The following CHD2 variants were observed in gnomAD, a reference collection of about 807,000 sequenced individuals.
CHD2 encodes chromodomain helicase DNA binding protein 2.
Under a neutral mutation model 243.9 loss-of-function variants are expected in CHD2, and 28 were observed. That is an observed-to-expected ratio of 0.11 (90% confidence interval 0.09 to 0.16). The LOEUF is 0.16. CHD2 is among the 10% of genes least tolerant of loss of function. The pLI, the probability that CHD2 is intolerant of heterozygous loss-of-function variation, is 1.00. For synonymous variants in CHD2, 775 were observed against 779.0 expected (o/e 0.99, Z 0.09); for missense variants, 1,386 against 2,209.8 (o/e 0.63, Z 7.47).
Position 92,928,761 on chromosome 15 carries a change from C to T in CHD2, c.382-269C>T, listed in dbSNP as rs545254957. On this transcript the variant is annotated intron_variant, in intron 4 of 38. Transcript: ENST00000394196. ...TAGATACAGGACATTTACATCGTTG[C>T]AGAAAGTTATTGGATATTGCTGTTC... Among the ~76,000 whole-genome samples, 5 of 152,256 alleles carry T rather than the reference C, an allele frequency of 3.3e-5. No homozygotes were observed. The East Asian group carries it at 7.7e-4, about 24-fold the overall frequency.
At position 92,997,406 on chromosome 15, in the gene CHD2, A is replaced by G; in HGVS notation, c.3885+3A>G. On this transcript the variant is annotated splice_donor_region_variant and intron_variant, in intron 30 of 38. Transcript: ENST00000394196. The surrounding 1 kb of genome is among the most constrained non-coding windows in gnomAD (Gnocchi z 4.1). Reference sequence around the variant, plus strand: ...CAGAGCTTAAATTAACTGACAAAGTAAGTAACCCTACCATGCTAGAGATTT... The same window carrying G: ...CAGAGCTTAAATTAACTGACAAAGTGAGTAACCCTACCATGCTAGAGATTT... 6.4e-7 allele frequency: 1 copy of G among 1,570,310 alleles called. No individual in the cohort carries two copies. Among genetic ancestry groups the G allele is most frequent in the Non-Finnish European group, 8.6e-7 (1 of 1,162,186 alleles).
At chr15:93,020,355 T>C (rs2054518882) in intron 38 of CHD2, 97 bp downstream of exon 38, 1 of 1,439,282 alleles carries the variant, frequency 6.9e-7, no homozygotes, top group African/African-American at 1.4e-5. Context: ...ATCTATCAAA[T>C]TACTGAAGAT....
intron 26 of CHD2, among the ~76,000 whole-genome samples, chr15:92,990,026 C>A (rs1780245493): frequency 6.6e-6 from 1 of 152,128 alleles, no homozygotes. Context: ...GGTAATGTTG[C>A]CTCAGGCCGT....
chr15:92,933,370 A>T (rs113304976), intron 5 of CHD2, among the ~76,000 whole-genome samples: 1 of 152,188 alleles, frequency 6.6e-6, no homozygotes, highest in Non-Finnish European at 1.5e-5. Context: ...TGTAACAGTG[A>T]TGGACCAGGA....
At chr15:92,988,103 A>T in intron 26 of CHD2, among the ~76,000 whole-genome samples, 1 of 150,160 alleles carries the variant, frequency 6.7e-6, no homozygotes, top group East Asian at 1.9e-4. Flanking sequence ...TTCTTTTGAG[A>T]CGGAGTTTTG....
Position 92,979,234 on chromosome 15 carries a change from A to G in CHD2, c.2827A>G (p.Met943Val). Reference protein sequence around the residue: ...MVLDHLVIQRMDTTGRTILEN... With the variant: ...MVLDHLVIQRVDTTGRTILEN... Reference sequence around the variant, plus strand: ...ATTAGATCATCTGGTGATTCAGCGCATGGACACCACTGGCCGGACGATCCT... The same window carrying G: ...ATTAGATCATCTGGTGATTCAGCGCGTGGACACCACTGGCCGGACGATCCT... The change falls in exon 22 of 39, where the codon ATG becomes GTG. Residue 943 changes from methionine (M) to valine (V), a missense_variant. Physicochemically the swap from Met to Val is conservative, Grantham distance 21. Transcript: ENST00000394196. The G allele has an allele frequency of 6.2e-7, 1 of 1,614,152 alleles. No homozygotes were observed. The highest frequency in any genetic ancestry group is 8.5e-7 in the Non-Finnish European group (1 of 1,180,020).
At chr15:92,961,599 A>T (rs1181175703) in intron 16 of CHD2, among the ~76,000 whole-genome samples, 3 of 151,718 alleles carry the variant, frequency 2.0e-5, no homozygotes, top group South Asian at 2.1e-4. Flanking sequence ...ATTTGTAGAG[A>T]TGGGTTCTTG....
chr15:92,924,655 C>T (rs2053023046), intron 3 of CHD2, 103 bp downstream of exon 3: 1 of 958,070 alleles, frequency 1.0e-6, no homozygotes, highest in South Asian at 1.4e-5. Flanking sequence ...ATGATGAAAC[C>T]TACAGCCATT....
rs527477898 is a variant in CHD2, at chr15:93,014,809, C to G, written c.4806C>G (p.His1602Gln). The G allele has an allele frequency of 6.2e-7, 1 of 1,614,052 alleles. No individual in the cohort carries two copies. The highest frequency in any genetic ancestry group is 8.5e-7 in the Non-Finnish European group (1 of 1,180,026). Reference protein sequence around the residue: ...ISQSHTSHNLHPQKPHLPASH... With the variant: ...ISQSHTSHNLQPQKPHLPASH... The stretch of plus-strand genomic sequence containing the variant: ...AGTCCCATACCTCACACAACCTTCA[C>G]CCTCAGAAGCCTCATTTGCCTGCCT... The change falls in exon 37 of 39, where the codon CAC becomes CAG. Residue 1602 changes from histidine (H) to glutamine (Q), a missense_variant. By Grantham distance (24) the His-to-Gln change is conservative. This residue lies in a region of CHD2 where 347 missense variants were observed against 341.6 expected (regional missense o/e 1.02). Transcript: ENST00000394196.
Position 92,971,642 on chromosome 15 carries a change from T to A in CHD2, c.2190-123T>A, listed in dbSNP as rs79049389. 3.2e-3 allele frequency: 2,101 copies of A among 657,850 alleles called. 36 individuals carry two copies. The African/African-American group carries it at 0.036, about 11-fold the overall frequency. 40.8% of individuals were successfully genotyped at this position (657,850 alleles called of 1,614,324 possible). A position where few individuals can be genotyped will look rare whatever the true frequency, so the allele number is the denominator to read the frequency against. ...GATACAAAAGAAAATATTCTTTGCT[T>A]CTTAAACTTTTTTAGGCCTCTTTTT... On this transcript the variant is annotated intron_variant, in intron 17 of 38. Transcript: ENST00000394196.
chr15:92,993,084 C>G (rs998996686), intron 28 of CHD2, 86 bp downstream of exon 28: 4 of 1,421,790 alleles, frequency 2.8e-6, no homozygotes, highest in Non-Finnish European at 3.9e-6. Context: ...TAAGGACAGG[C>G]TTGAGGACCA....
chr15:92,924,209 TTA>T (rs1336095500), intron 2 of CHD2, 110 bp from the exon 3 acceptor site: 7 of 846,672 alleles, frequency 8.3e-6, no homozygotes, highest in Non-Finnish European at 1.1e-5. Flanking sequence ...GATTTTGGTC[TTA>T]TATTACTAAA....
Position 92,939,653 on chromosome 15 carries a change from TGAG to T in CHD2, c.630_632del (p.Glu210del), listed in dbSNP as rs1567133727. ...AGAGAAAAAAGCAAGATTCTTCTGATGAGGATGATGATGATGACGAAGCTCCCA... is the reference window on the plus strand; with the variant it reads ...AGAGAAAAAAGCAAGATTCTTCTGATGATGATGATGATGACGAAGCTCCCA... On this transcript the variant is annotated inframe_deletion, in exon 7 of 39. Coordinates refer to ENST00000394196, the MANE Select transcript of CHD2 (RefSeq NM_001271.4). 6.2e-7 allele frequency: 1 copy of T among 1,614,114 alleles called. No homozygotes were observed. Among genetic ancestry groups the T allele is most frequent in the Non-Finnish European group, 8.5e-7 (1 of 1,180,016 alleles).
intron 2 of CHD2, among the ~76,000 whole-genome samples, chr15:92,908,262 G>A (rs2052658911): frequency 6.6e-6 from 1 of 151,992 alleles, no homozygotes; most frequent in Non-Finnish European, 1.5e-5. Context: ...AAATGTAACA[G>A]CAGTAATATT....
At chr15:93,019,256 A>G (rs771864689) in intron 37 of CHD2, among the ~76,000 whole-genome samples, 25 of 152,206 alleles carry the variant, frequency 1.6e-4, no homozygotes, top group Non-Finnish European at 2.8e-4. Context: ...AGGTGAAATA[A>G]ACGTTAGATG....
chr15:92,948,315 AGAATC>A (rs1383658127), intron 12 of CHD2, among the ~76,000 whole-genome samples: 1 of 152,176 alleles, frequency 6.6e-6, no homozygotes, highest in Non-Finnish European at 1.5e-5. Flanking sequence ...TGTACTCTTT[AGAATC>A]AGATAACAGA....
At chr15:93,016,625 A>G (rs1236538015) in intron 37 of CHD2, among the ~76,000 whole-genome samples, 3 of 152,116 alleles carry the variant, frequency 2.0e-5, no homozygotes, top group South Asian at 4.1e-4. Flanking sequence ...CAGTCTCTAC[A>G]AAAGTGTGAA....
chr15:92,930,934 C>G (rs562779589), intron 5 of CHD2, among the ~76,000 whole-genome samples: 32 of 152,128 alleles, frequency 2.1e-4, no homozygotes, highest in Non-Finnish European at 4.1e-4. Flanking sequence ...GGCTAGCCTT[C>G]GTTTCTGCTA....
intron 22 of CHD2, among the ~76,000 whole-genome samples, chr15:92,980,079 C>T (rs1025301965): frequency 9.3e-5 from 14 of 150,166 alleles, no homozygotes; most frequent in African/African-American, 2.9e-4. Context: ...GAGTCTCGCT[C>T]GGTCGCCCAG....
Sources: gnomAD v4.1 joint callset for allele counts (sites outside exome capture counted in the v4.1 genomes callset) on GRCh38, gnomAD v4.1.1 for gene constraint, gnomAD v4.1.1 regional missense constraint, Gnocchi (gnomAD v3.1) non-coding constraint, MANE v1.5 for transcripts, NCBI Gene and HGNC (gene_info 2026-07-23, HGNC 2026-07-21) for gene names.